Variants in DGKI observed in about 807,000 individuals in gnomAD.
DGKI encodes diacylglycerol kinase iota.
Under a neutral mutation model 147.5 loss-of-function variants are expected in DGKI, and 55 were observed. The observed-to-expected ratio is 0.37, with a 90% confidence interval of 0.30 to 0.47. The LOEUF (loss-of-function observed/expected upper bound fraction) is 0.47, where lower values mean the gene tolerates loss of function less well. Ranked by LOEUF, DGKI falls within the 20% of genes least tolerant of loss-of-function variation. The pLI is 1.00. For missense variants in DGKI, 1,007 were observed against 1,323.8 expected, an observed-to-expected ratio of 0.76 and a Z score of 3.71; for synonymous variants, 469 against 477.1, an observed-to-expected ratio of 0.98 and a Z score of 0.22.
At chr7:137,529,303 C>T (rs1283890964) in intron 20 of DGKI, among the ~76,000 whole-genome samples, 1 of 152,222 alleles carries the variant, frequency 6.6e-6, no homozygotes, top group Non-Finnish European at 1.5e-5. Flanking sequence ...AACAAAATTA[C>T]ACTTGTACTC....
rs1359227081 is a variant in DGKI, at chr7:137,475,521, C to T, written c.2374-5902G>A. On this transcript the variant is annotated intron_variant, in intron 23 of 32. Coordinates refer to ENST00000614521, the MANE Select transcript of DGKI (RefSeq NM_001321708.2). ...ATTTCCTTAGTTTCACCAAAATTAACGTGTCACTTGCTAATTTGTCAGTTG... is the reference window on the plus strand; with the variant it reads ...ATTTCCTTAGTTTCACCAAAATTAATGTGTCACTTGCTAATTTGTCAGTTG... Among the ~76,000 whole-genome samples, 13 of 152,300 alleles carry T rather than the reference C, an allele frequency of 8.5e-5. No individual in the cohort carries two copies. In the South Asian group the frequency reaches 1.7e-3, roughly 19 times the overall value.
At chr7:137,522,360 T>C (rs568370376) in intron 20 of DGKI, among the ~76,000 whole-genome samples, 171 of 152,128 alleles carry the variant, frequency 1.1e-3, no homozygotes, top group Middle Eastern at 3.4e-3. Context: ...CAGTAAGACA[T>C]GGTCAGGGGC....
chr7:137,726,351 G>T (rs1035928076), intron 1 of DGKI, among the ~76,000 whole-genome samples: 3 of 152,162 alleles, frequency 2.0e-5, no homozygotes, highest in Admixed American at 6.5e-5. Context: ...GCTTCTGATC[G>T]ATTTCTCCTG....
intron 1 of DGKI, among the ~76,000 whole-genome samples, chr7:137,740,880 G>A (rs2116705782): frequency 6.6e-6 from 1 of 152,290 alleles, no homozygotes; most frequent in Non-Finnish European, 1.5e-5. Context: ...TTATAAGATT[G>A]GAAGTAGAAC....
chr7:137,648,666 T>C (rs10246933), intron 5 of DGKI, among the ~76,000 whole-genome samples: 3,031 of 152,308 alleles, frequency 0.02, 91 homozygotes, highest in African/African-American at 0.065. Context: ...CAGAACAGCA[T>C]GCAATTTAAA....
At chr7:137,435,721 C>G (rs1813254641) in intron 28 of DGKI, among the ~76,000 whole-genome samples, 1 of 152,170 alleles carries the variant, frequency 6.6e-6, no homozygotes. Context: ...ACGCTCAGTA[C>G]AGTAGGCTCT....
intron 1 of DGKI, among the ~76,000 whole-genome samples, chr7:137,810,033 A>G (rs1797513625): frequency 6.6e-6 from 1 of 152,246 alleles, no homozygotes; most frequent in Non-Finnish European, 1.5e-5. Flanking sequence ...CAAGAGCCTC[A>G]TATATTTCTG....
At chr7:137,721,689 C>G (rs913844514) in intron 1 of DGKI, among the ~76,000 whole-genome samples, 2 of 152,140 alleles carry the variant, frequency 1.3e-5, no homozygotes, top group Non-Finnish European at 2.9e-5. Flanking sequence ...TTAATGTTTC[C>G]CTTTGCCTAA....
intron 23 of DGKI, among the ~76,000 whole-genome samples, chr7:137,477,106 C>T (rs1375161012): frequency 6.6e-6 from 1 of 152,164 alleles, no homozygotes; most frequent in Non-Finnish European, 1.5e-5. Context: ...AGACAGTTTG[C>T]TCCTGGTAGC....
intron 28 of DGKI, among the ~76,000 whole-genome samples, chr7:137,438,775 T>C (rs569176272): frequency 1.3e-5 from 2 of 152,298 alleles, no homozygotes; most frequent in Admixed American, 6.5e-5. Context: ...GAAATGCATA[T>C]GGCACTCATC....
intron 28 of DGKI, among the ~76,000 whole-genome samples, chr7:137,429,191 G>A (rs1182818291): frequency 6.6e-6 from 1 of 151,976 alleles, no homozygotes; most frequent in East Asian, 1.9e-4. Flanking sequence ...CATGGTACTG[G>A]TACCAAAACA....
chr7:137,465,776 T>G, intron 26 of DGKI, 132 bp downstream of exon 26: 1 of 1,258,392 alleles, frequency 7.9e-7, no homozygotes. Context: ...ATAACCACTC[T>G]AAGGAAACAC....
At chr7:137,821,494 G>A (rs1797895971) in intron 1 of DGKI, among the ~76,000 whole-genome samples, 1 of 152,108 alleles carries the variant, frequency 6.6e-6, no homozygotes, top group South Asian at 2.1e-4. Flanking sequence ...AAATTCTGAA[G>A]AAATACACGA....
intron 1 of DGKI, among the ~76,000 whole-genome samples, chr7:137,827,547 C>A (rs1296100396): frequency 6.6e-6 from 1 of 152,216 alleles, no homozygotes; most frequent in African/African-American, 2.4e-5. Context: ...CCTACCAACT[C>A]TTTAAAGTCA....
intron 2 of DGKI, among the ~76,000 whole-genome samples, chr7:137,685,307 G>A (rs918318310): frequency 6.6e-6 from 1 of 152,180 alleles, no homozygotes; most frequent in African/African-American, 2.4e-5. Flanking sequence ...AAACCAATGT[G>A]CCCTTTAAGA....
chr7:137,650,612 CAGAA>C (rs1821991236), intron 5 of DGKI, among the ~76,000 whole-genome samples: 1 of 152,126 alleles, frequency 6.6e-6, no homozygotes, highest in Non-Finnish European at 1.5e-5. Context: ...AAAGAGACCA[CAGAA>C]AGCTCTCTCA....
intron 28 of DGKI, among the ~76,000 whole-genome samples, chr7:137,422,216 C>T (rs1017465140): frequency 2.6e-5 from 4 of 152,160 alleles, no homozygotes; most frequent in African/African-American, 9.7e-5. Flanking sequence ...TCATGGGTTA[C>T]AGGGCCAATA....
intron 28 of DGKI, among the ~76,000 whole-genome samples, chr7:137,416,005 A>G (rs553670362): frequency 1.6e-3 from 26 of 16,390 alleles, no homozygotes. Context: ...CAACCAACAA[A>G]CAAAAAAAAC....
Position 137,846,348 on chromosome 7 carries a change from GA to G in DGKI, c.401+113del. Reference sequence around the variant, plus strand: ...GGGAGGAGAGGGGGAAAGGGGGAAGGAGAGGCGTGGAAACAGAGAGGTGCCC... The same window carrying G: ...GGGAGGAGAGGGGGAAAGGGGGAAGGGAGGCGTGGAAACAGAGAGGTGCCC... On this transcript the variant is annotated intron_variant, in intron 1 of 32. Transcript: ENST00000614521. This position sits in a 1 kb window ranked among gnomAD's most constrained non-coding sequence, Gnocchi z 4.0. 1 of 582,368 alleles carries G rather than the reference GA, an allele frequency of 1.7e-6. No homozygotes were observed. Among genetic ancestry groups the G allele is most frequent in the African/African-American group, 2.0e-5 (1 of 50,064 alleles). The allele number at this position is 582,368 out of a possible 1,614,324, so 36.1% of individuals were successfully genotyped here.
Sources: gnomAD v4.1 joint callset for allele counts (sites outside exome capture counted in the v4.1 genomes callset) on GRCh38, gnomAD v4.1.1 for gene constraint, Gnocchi (gnomAD v3.1) non-coding constraint, MANE v1.5 for transcripts, NCBI Gene and HGNC (gene_info 2026-07-23, HGNC 2026-07-21) for gene names.